OOEP: variants seen among roughly 807,000 people sequenced by gnomAD.
OOEP encodes the protein oocyte expressed protein, also known as oocyte-expressed protein homolog.
A neutral mutation model predicts 13.7 loss-of-function variants in OOEP; 16 were observed. The ratio of observed to expected loss-of-function variants is 1.16; its 90% confidence interval spans 0.79 to 1.77. The LOEUF (loss-of-function observed/expected upper bound fraction) is 1.77, where lower values mean the gene tolerates loss of function less well. Ranked by LOEUF, OOEP falls within the 40% of genes most tolerant of loss-of-function variation. OOEP has a pLI of 0.00. For synonymous variants in OOEP, 89 were observed against 77.1 expected (o/e 1.15, Z -0.81); for missense variants, 195 against 193.1 (o/e 1.01, Z -0.06).
intron 2 of OOEP, among the ~76,000 whole-genome samples, chr6:73,376,844 G>T (rs756949292): frequency 6.6e-6 from 1 of 152,118 alleles, no homozygotes; most frequent in East Asian, 1.9e-4. Context: ...TAGAGAAGAG[G>T]TTTCACCATT....
At chr6:73,394,777 G>T in exon 1 of OOEP, 1 of 1,360,940 alleles carries the variant, frequency 7.3e-7, no homozygotes, top group Non-Finnish European at 9.9e-7. Context: ...GTGGGCGGGG[G>T]GGCTAGCCTC....
Position 73,386,026 on chromosome 6 carries a change from T to TA in OOEP, c.25+8319dup, listed in dbSNP as rs552398978. On this transcript the variant is annotated intron_variant, in intron 2 of 3. Transcript: ENST00000370363. ...TTATTCAACATTGTACTGGAGGTTCTAGCCAGTGCAATCAGGCAAGAAATA... is the reference window on the plus strand; with the variant it reads ...TTATTCAACATTGTACTGGAGGTTCTAAGCCAGTGCAATCAGGCAAGAAATA... Among the ~76,000 whole-genome samples the TA allele has an allele frequency of 9.1e-4, 138 of 152,176 alleles. 2 individuals are homozygous for TA. The Middle Eastern group carries it at 0.01, about 11-fold the overall frequency.
chr6:73,382,973 ACT>A (rs1769229232), intron 2 of OOEP, among the ~76,000 whole-genome samples: 8 of 150,996 alleles, frequency 5.3e-5, no homozygotes, highest in Admixed American at 5.3e-4. Context: ...AGTAACTGGA[ACT>A]ACAGGCATGC....
At chr6:73,395,107 C>T (rs779700967), upstream of OOEP, 6 of 1,614,020 alleles carry the variant, frequency 3.7e-6, no homozygotes, top group South Asian at 6.6e-5. Flanking sequence ...TCACGAGGAA[C>T]TGCCGCTGTG....
intron 2 of OOEP, among the ~76,000 whole-genome samples, chr6:73,386,939 G>C (rs1236483852): frequency 1.7e-5 from 2 of 119,780 alleles, no homozygotes; most frequent in African/African-American, 6.4e-5. Context: ...TTGCAGTCCA[G>C]CCTGAGCCAC....
intron 2 of OOEP, among the ~76,000 whole-genome samples, chr6:73,376,166 A>G (rs898524257): frequency 1.3e-5 from 2 of 152,136 alleles, no homozygotes; most frequent in African/African-American, 4.8e-5. Flanking sequence ...CAGAAAATGT[A>G]CTATTTAAAT....
chr6:73,389,480 T>A (rs1017146323), intron 2 of OOEP, among the ~76,000 whole-genome samples: 1 of 152,134 alleles, frequency 6.6e-6, no homozygotes, highest in Non-Finnish European at 1.5e-5. Flanking sequence ...ACTTGCTTAG[T>A]GAATGGTTTT....
At chr6:73,373,915 T>A (rs9360671), upstream of OOEP, among the ~76,000 whole-genome samples, 13,795 of 151,952 alleles carry the variant, frequency 0.091, 790 homozygotes, top group Middle Eastern at 0.19. Context: ...AATATATTTT[T>A]AAAATATATA....
At chr6:73,394,691 C>A (rs527487117) in intron 1 of OOEP, 6 of 670,660 alleles carry the variant, frequency 8.9e-6, no homozygotes, top group Non-Finnish European at 1.2e-5. Flanking sequence ...TTGGCTAAAA[C>A]TGGGAAAGTC....
intron 2 of OOEP, among the ~76,000 whole-genome samples, chr6:73,390,136 G>A (rs1047379742): frequency 2.6e-5 from 4 of 151,910 alleles, no homozygotes; most frequent in East Asian, 1.9e-4. Flanking sequence ...CCCAGATCCC[G>A]CCACTGCACT....
intron 2 of OOEP, among the ~76,000 whole-genome samples, chr6:73,379,065 C>T (rs1769168373): frequency 6.6e-6 from 1 of 151,896 alleles, no homozygotes. Flanking sequence ...GTCTCTGTCA[C>T]CCAGGCTGGA....
At chr6:73,380,874 C>T (rs145958588) in intron 2 of OOEP, among the ~76,000 whole-genome samples, 147 of 152,240 alleles carry the variant, frequency 9.7e-4, no homozygotes, top group African/African-American at 3.4e-3. Flanking sequence ...CAAGGCCAGG[C>T]ACAGTGGCTC....
chr6:73,387,494 A>C (rs1769289724), intron 2 of OOEP: 1 of 152,220 alleles, frequency 6.6e-6, no homozygotes, highest in Non-Finnish European at 1.5e-5. Context: ...AGCCTGAGTG[A>C]CAAGAGCAAA....
intron 2 of OOEP, among the ~76,000 whole-genome samples, chr6:73,389,901 A>G (rs1002055618): frequency 6.6e-6 from 1 of 152,248 alleles, no homozygotes; most frequent in African/African-American, 2.4e-5. Context: ...ACCGTTTTAG[A>G]TATCTTTCCT....
upstream of OOEP, chr6:73,370,039 C>T (rs1769025884): frequency 1.9e-6 from 1 of 537,848 alleles, no homozygotes; most frequent in Non-Finnish European, 3.3e-6. Flanking sequence ...TTCATTTGGC[C>T]TCCTGTTGGG....
At chr6:73,394,266 C>G in intron 2 of OOEP, 1 of 703,438 alleles carries the variant, frequency 1.4e-6, no homozygotes. Context: ...GCTTACATAG[C>G]GAGGATAAAT....
Position 73,368,570 on chromosome 6 carries a change from T to G in OOEP, c.*214A>C. On this transcript the variant is annotated 3_prime_UTR_variant, in exon 3 of 3. Transcript: ENST00000370359. ...GGAGTCAATCTTTTATAAATTTGCT[T>G]TATTATAAGTGTGTGAAGATCTTAA... The G allele has an allele frequency of 2.3e-6, 1 of 437,030 alleles. No homozygotes were observed. The highest frequency in any genetic ancestry group is 4.1e-6 in the Non-Finnish European group (1 of 245,970). The allele number at this position is 437,030 out of a possible 1,614,324, so 27.1% of individuals were successfully genotyped here.
rs145420919 is a variant in OOEP at position 73,394,190 on chromosome 6, T to G, written c.25+156A>C. 1.4e-3 allele frequency among the ~76,000 whole-genome samples: 206 copies of G among 152,274 alleles called. 4 individuals are homozygous for G. In the East Asian group the frequency reaches 0.03, roughly 22 times the overall value. On this transcript the variant is annotated intron_variant, in intron 2 of 3. Coordinates refer to the OOEP transcript ENST00000370363. The stretch of plus-strand genomic sequence containing the variant: ...GAACTCCCATCTCTATTAAATTTTT[T>G]TTTTTTAATTTTGTGGATTACAACC...
chr6:73,386,977 G>GAAAAAAAAAA (rs1169476638), intron 2 of OOEP, among the ~76,000 whole-genome samples: 1 of 30,880 alleles, frequency 3.2e-5, no homozygotes, highest in Non-Finnish European at 5.8e-5. Context: ...TTCCATCTCA[G>GAAAAAAAAAA]AAAAAAAAAA....
Sources: allele counts gnomAD v4.1 joint callset (sites outside exome capture counted in the v4.1 genomes callset), GRCh38; gene constraint gnomAD v4.1.1; transcripts MANE v1.5; gene names NCBI Gene and HGNC (gene_info 2026-07-23, HGNC 2026-07-21).